The following SV2C variants were observed in gnomAD, a reference collection of about 807,000 sequenced individuals.
The protein encoded by SV2C is solute carrier family 22 member B3.
Under a neutral mutation model 79.7 loss-of-function variants are expected in SV2C, and 49 were observed. The ratio of observed to expected loss-of-function variants is 0.61; its 90% CI spans 0.49 to 0.78. The LOEUF is 0.78. Ranked by LOEUF, SV2C falls within the 30% of genes least tolerant of loss-of-function variation. SV2C has a pLI of 0.00. For missense variants in SV2C, 833 were observed against 912.9 expected (o/e 0.91, Z 1.13); for synonymous variants, 334 against 333.2 (o/e 1.00, Z -0.03).
At chr5:75,922,390 A>G in the SV2C span, among the ~76,000 whole-genome samples, 4 of 152,208 alleles carry the variant, frequency 2.6e-5, no homozygotes, top group Admixed American at 2.6e-4. Context: ...TAATAAAATT[A>G]AATAAAAAAA....
At chr5:76,285,915 A>G (rs1747343190) in intron 6 of SV2C, 45 bp downstream of exon 6, 2 of 1,551,198 alleles carry the variant, frequency 1.3e-6, no homozygotes, top group African/African-American at 1.4e-5. Context: ...GGATTGGGAC[A>G]TGTTTTCTGT....
chr5:76,314,306 T>C (rs1748551642), intron 12 of SV2C, among the ~76,000 whole-genome samples: 1 of 152,184 alleles, frequency 6.6e-6, no homozygotes, highest in African/African-American at 2.4e-5. Context: ...TCTTCAGTCC[T>C]CTCTGCTGTC....
chr5:76,267,397 C>T (rs1362064517), intron 4 of SV2C, among the ~76,000 whole-genome samples: 1 of 152,160 alleles, frequency 6.6e-6, no homozygotes, highest in Non-Finnish European at 1.5e-5. Context: ...TAAAAAAATA[C>T]ATCTATATGA....
chr5:76,281,203 A>G (rs1045275670), intron 4 of SV2C: 3 of 533,082 alleles, frequency 5.6e-6, no homozygotes, highest in Non-Finnish European at 1.1e-5. Flanking sequence ...GCCGACAAAC[A>G]GAAAAGACAA....
At chr5:75,904,725 C>G in the SV2C span, among the ~76,000 whole-genome samples, 2 of 152,184 alleles carry the variant, frequency 1.3e-5, no homozygotes, top group Non-Finnish European at 2.9e-5. Flanking sequence ...CATCCTAACT[C>G]TAGATAAACG....
At chr5:75,956,354 C>T in the SV2C span, among the ~76,000 whole-genome samples, 2 of 131,658 alleles carry the variant, frequency 1.5e-5, no homozygotes, top group Non-Finnish European at 3.1e-5. Context: ...AATGAGAACA[C>T]ATGGACACAG....
At chr5:75,911,581 G>C in the SV2C span, 5 of 678,864 alleles carry the variant, frequency 7.4e-6, no homozygotes, top group Non-Finnish European at 1.1e-5. Flanking sequence ...CCCTAATCCA[G>C]AACTACAAAA....
chr5:75,879,055 T>G, the SV2C span, among the ~76,000 whole-genome samples: 1 of 152,094 alleles, frequency 6.6e-6, no homozygotes. Flanking sequence ...TCATGTGAAC[T>G]CAGAACGAGT....
At chr5:75,981,824 G>A in the SV2C span, among the ~76,000 whole-genome samples, 3 of 151,956 alleles carry the variant, frequency 2.0e-5, no homozygotes, top group South Asian at 2.1e-4. Context: ...ATTTCATGAC[G>A]AAGATTCCAA....
chr5:75,866,638 G>A, the SV2C span, among the ~76,000 whole-genome samples: 5 of 152,174 alleles, frequency 3.3e-5, no homozygotes, highest in Non-Finnish European at 5.9e-5. Context: ...ATGAAATGAA[G>A]CCTCAAATTC....
chr5:76,205,294 G>A (rs1744577062), intron 3 of SV2C, among the ~76,000 whole-genome samples: 1 of 152,040 alleles, frequency 6.6e-6, no homozygotes, highest in Non-Finnish European at 1.5e-5. Flanking sequence ...CAAAAACCTA[G>A]CACTAATATT....
chr5:76,077,134 T>C, the SV2C span, among the ~76,000 whole-genome samples: 1 of 152,156 alleles, frequency 6.6e-6, no homozygotes, highest in African/African-American at 2.4e-5. Flanking sequence ...TGACAATTAG[T>C]ATATGCCTCC....
chr5:76,352,049 C>T (rs1749652508), intron 12 of SV2C, among the ~76,000 whole-genome samples: 1 of 152,080 alleles, frequency 6.6e-6, no homozygotes, highest in African/African-American at 2.4e-5. Context: ...CCTATCTCTA[C>T]TAAAAATACA....
At chr5:76,156,847 A>G (rs1742742069) in intron 2 of SV2C, among the ~76,000 whole-genome samples, 1 of 152,248 alleles carries the variant, frequency 6.6e-6, no homozygotes, top group East Asian at 1.9e-4. Context: ...ACTAGAAGAA[A>G]GATTGACAGA....
chr5:76,257,531 C>T (rs531448964), intron 4 of SV2C, among the ~76,000 whole-genome samples: 4 of 144,318 alleles, frequency 2.8e-5, no homozygotes, highest in African/African-American at 7.7e-5. Context: ...GGTGTATGAG[C>T]GTGTGGTGTA....
chr5:76,010,321 A>G, the SV2C span, among the ~76,000 whole-genome samples: 5 of 152,166 alleles, frequency 3.3e-5, no homozygotes, highest in African/African-American at 1.2e-4. Context: ...GGGATCACTC[A>G]CCGCTAATTA....
At chr5:76,212,637 C>T (rs776641086) in intron 4 of SV2C, among the ~76,000 whole-genome samples, 1 of 152,178 alleles carries the variant, frequency 6.6e-6, no homozygotes, top group Non-Finnish European at 1.5e-5. Context: ...CCCATCATAT[C>T]GCTCAGAATT....
At chr5:76,153,811 G>A (rs1389019528) in intron 2 of SV2C, among the ~76,000 whole-genome samples, 1 of 152,184 alleles carries the variant, frequency 6.6e-6, no homozygotes, top group Non-Finnish European at 1.5e-5. Flanking sequence ...AATGGACAGA[G>A]GCTTGGAGGC....
At chr5:76,055,348 A>G in the SV2C span, among the ~76,000 whole-genome samples, 1 of 151,990 alleles carries the variant, frequency 6.6e-6, no homozygotes, top group Non-Finnish European at 1.5e-5. Flanking sequence ...GTTTTGTTCC[A>G]TTGGTCTATA....
Sources: gnomAD v4.1 joint callset for allele counts (sites outside exome capture counted in the v4.1 genomes callset) on GRCh38, gnomAD v4.1.1 for gene constraint, MANE v1.5 for transcripts, NCBI Gene and HGNC (gene_info 2026-07-23, HGNC 2026-07-21) for gene names.